BCAS3: variants seen among roughly 807,000 people sequenced by gnomAD.
The protein encoded by BCAS3 is BCAS4/BCAS3 fusion.
BCAS3 carries 53 observed loss-of-function variants against 116.1 expected under a neutral mutation model. That is an observed-to-expected ratio of 0.46 (90% CI 0.37 to 0.57). The LOEUF is 0.57. BCAS3 is among the 20% of genes least tolerant of loss of function. The pLI, the probability that BCAS3 is intolerant of heterozygous loss-of-function variation, is 0.00. For synonymous variants in BCAS3, 391 were observed against 408.2 expected (o/e 0.96, Z 0.51); for missense variants, 917 against 1,165.4 (o/e 0.79, Z 3.10).
At chr17:61,242,295 T>G (rs1442425790) in intron 22 of BCAS3, among the ~76,000 whole-genome samples, 1 of 112,082 alleles carries the variant, frequency 8.9e-6, no homozygotes, top group African/African-American at 3.1e-5. Context: ...AAAAAAAAAA[T>G]CCAAACATCA....
intron 22 of BCAS3, among the ~76,000 whole-genome samples, chr17:61,269,884 A>C (rs1602312600): frequency 6.8e-6 from 1 of 147,270 alleles, no homozygotes; most frequent in South Asian, 2.1e-4. Flanking sequence ...GCTTACTGCA[A>C]CCTCCGCCTC....
chr17:60,903,160 T>C (rs558105715), intron 11 of BCAS3, among the ~76,000 whole-genome samples: 12 of 152,318 alleles, frequency 7.9e-5, no homozygotes, highest in Non-Finnish European at 1.8e-4. Context: ...TATAAGGTAT[T>C]CTTGTAACCA....
At chr17:61,046,405 G>A (rs888198251) in intron 19 of BCAS3, among the ~76,000 whole-genome samples, 1 of 151,014 alleles carries the variant, frequency 6.6e-6, no homozygotes, top group Non-Finnish European at 1.5e-5. Context: ...GTCATTCCTT[G>A]GTGTCATGGG....
intron 6 of BCAS3, among the ~76,000 whole-genome samples, chr17:60,774,700 C>T (rs564269780): frequency 6.6e-6 from 1 of 152,300 alleles, no homozygotes. Context: ...CTTAAGAGAG[C>T]TAGATAGTAT....
At chr17:60,978,230 A>G (rs1201443251) in intron 14 of BCAS3, among the ~76,000 whole-genome samples, 12 of 130,334 alleles carry the variant, frequency 9.2e-5, no homozygotes, top group Admixed American at 7.9e-4. Flanking sequence ...TGTGGTTTTG[A>G]TTTGCATTTC....
intron 9 of BCAS3, among the ~76,000 whole-genome samples, chr17:60,881,960 A>G (rs1330743308): frequency 6.7e-6 from 1 of 149,908 alleles, no homozygotes; most frequent in East Asian, 1.9e-4. Flanking sequence ...ATACCCAGTA[A>G]TGGGATGGCT....
intron 22 of BCAS3, among the ~76,000 whole-genome samples, chr17:61,185,654 G>C (rs1280897876): frequency 1.3e-5 from 2 of 151,782 alleles, no homozygotes; most frequent in Non-Finnish European, 2.9e-5. Flanking sequence ...ATGTGTGCAA[G>C]ACAGAAAAAA....
rs536508684 is a variant in BCAS3, at chr17:61,366,036, G to A, written c.2426-2291G>A. On this transcript the variant is annotated intron_variant, in intron 22 of 23. Coordinates refer to ENST00000407086, the MANE Select transcript of BCAS3 (RefSeq NM_017679.5). The surrounding 1 kb of genome is among the most constrained non-coding windows in gnomAD (Gnocchi z 4.5). Reference sequence around the variant, plus strand: ...CACATGCTTGTAGTCCCAGCTACTCGGGAGGCTGAGACACGAGAATCGCCT... The same window carrying A: ...CACATGCTTGTAGTCCCAGCTACTCAGGAGGCTGAGACACGAGAATCGCCT... 5.9e-5 allele frequency among the ~76,000 whole-genome samples: 9 copies of A among 152,032 alleles called. No individual in the cohort carries two copies. The highest frequency in any genetic ancestry group is 1.9e-4 in the East Asian group (1 of 5,158).
chr17:61,392,134 A>G lies in BCAS3; in HGVS notation c.*9A>G, dbSNP rs1322574558. ...CGACTGGCTTCCCGTAGGTACCAGC[A>G]ACCTGCTTCTGACTGGCCAGCCCCC... On this transcript the variant is annotated 3_prime_UTR_variant, in exon 24 of 24. Transcript: ENST00000407086. This position sits in a 1 kb window ranked among gnomAD's most constrained non-coding sequence, Gnocchi z 6.4. 24 of 1,612,436 alleles carry G rather than the reference A, an allele frequency of 1.5e-5. No homozygotes were observed. The highest frequency in any genetic ancestry group is 2.0e-5 in the Non-Finnish European group (24 of 1,179,444).
rs2066454558 is a variant in BCAS3, at chr17:61,029,100, G to A, written c.1638-5566G>A. 6.6e-6 allele frequency among the ~76,000 whole-genome samples: 1 copy of A among 151,786 alleles called. No homozygotes were observed. The highest frequency in any genetic ancestry group is 2.4e-5 in the African/African-American group (1 of 41,352). On this transcript the variant is annotated intron_variant, in intron 16 of 23. Coordinates refer to ENST00000407086, the MANE Select transcript of BCAS3 (RefSeq NM_017679.5). This position sits in a 1 kb window ranked among gnomAD's most constrained non-coding sequence, Gnocchi z 5.2. ...TATATGCTAAATAAATATGTTTTTA[G>A]TATATCCAGTTATAGGGTAATATAT...
intron 11 of BCAS3, 86 bp downstream of exon 11, chr17:60,902,789 T>C: frequency 9.2e-7 from 1 of 1,091,852 alleles, no homozygotes; most frequent in Non-Finnish European, 1.4e-6. Flanking sequence ...TCTATTGTAA[T>C]GATTGTAGTG....
rs2053371411 is a variant in BCAS3 at position 61,300,827 on chromosome 17, T to C, written c.2426-67500T>C. 1.3e-5 allele frequency among the ~76,000 whole-genome samples: 2 copies of C among 151,742 alleles called. No individual in the cohort carries two copies. Among genetic ancestry groups the C allele is most frequent in the Admixed American group, 1.3e-4 (2 of 15,204 alleles). Reference sequence around the variant, plus strand: ...TCCAGCAGCTTTCCTCCTCCCTCCCTCTTCTAGCCTCTGCCCAGGAATCAT... The same window carrying C: ...TCCAGCAGCTTTCCTCCTCCCTCCCCCTTCTAGCCTCTGCCCAGGAATCAT... On this transcript the variant is annotated intron_variant, in intron 22 of 23. Coordinates refer to ENST00000407086, the MANE Select transcript of BCAS3 (RefSeq NM_017679.5). The surrounding 1 kb of genome is among the most constrained non-coding windows in gnomAD (Gnocchi z 5.1).
chr17:61,153,648 A>G (rs1485477769), intron 22 of BCAS3, among the ~76,000 whole-genome samples: 1 of 152,240 alleles, frequency 6.6e-6, no homozygotes, highest in Non-Finnish European at 1.5e-5. Context: ...TCAGAACCCC[A>G]GAGGAAGGTC....
At chr17:60,953,466 G>A (rs946804322) in intron 14 of BCAS3, among the ~76,000 whole-genome samples, 1 of 151,828 alleles carries the variant, frequency 6.6e-6, no homozygotes, top group Non-Finnish European at 1.5e-5. Context: ...GTGGATACTA[G>A]ACTTTTGTGA....
intron 22 of BCAS3, among the ~76,000 whole-genome samples, chr17:61,318,091 A>G (rs1046108556): frequency 2.6e-5 from 4 of 152,352 alleles, no homozygotes; most frequent in Non-Finnish European, 5.9e-5. Flanking sequence ...CTCTCCTGCT[A>G]GAGCTACATG....
At chr17:60,959,028 A>G (rs1359170531) in intron 14 of BCAS3, among the ~76,000 whole-genome samples, 1 of 152,200 alleles carries the variant, frequency 6.6e-6, no homozygotes, top group Non-Finnish European at 1.5e-5. Flanking sequence ...AAAATGTGAC[A>G]CCAAGGTTGG....
chr17:60,739,620 G>GA (rs77013838), intron 5 of BCAS3, among the ~76,000 whole-genome samples: 46 of 149,464 alleles, frequency 3.1e-4, no homozygotes, highest in African/African-American at 1.1e-3. Context: ...AACTCTGTCT[G>GA]AAAAAAAAAG....
In BCAS3 at chr17:61,065,767, A is replaced by G. The variant is rs966014243; in HGVS notation, c.2030-9153A>G. On this transcript the variant is annotated intron_variant, in intron 19 of 23. Transcript: ENST00000407086. The surrounding 1 kb of genome is among the most constrained non-coding windows in gnomAD (Gnocchi z 4.8). The stretch of plus-strand genomic sequence containing the variant: ...CTGAATCTGAAGAATTCCACTGCCC[A>G]TATAAAACTCAGCTGCCAGTAGGAC... 1.3e-5 allele frequency among the ~76,000 whole-genome samples: 2 copies of G among 152,198 alleles called. No individual in the cohort carries two copies. The highest frequency in any genetic ancestry group is 4.8e-5 in the African/African-American group (2 of 41,454).
intron 5 of BCAS3, among the ~76,000 whole-genome samples, chr17:60,737,717 T>G: frequency 6.6e-6 from 1 of 151,900 alleles, no homozygotes; most frequent in East Asian, 1.9e-4. Flanking sequence ...CTTTCTATTT[T>G]TAATTTCTAC....
Sources: allele counts gnomAD v4.1 joint callset (sites outside exome capture counted in the v4.1 genomes callset), GRCh38; gene constraint gnomAD v4.1.1; non-coding constraint Gnocchi (gnomAD v3.1); transcripts MANE v1.5; gene names NCBI Gene and HGNC (gene_info 2026-07-23, HGNC 2026-07-21).